TBC1D19: variants seen among roughly 807,000 people sequenced by gnomAD.
The protein encoded by TBC1D19 is TBC1 domain family member 19.
A neutral mutation model predicts 89.0 loss-of-function variants in TBC1D19; 60 were observed. That is an observed-to-expected ratio of 0.67 (90% CI 0.55 to 0.84). TBC1D19 has a LOEUF of 0.84. Ranked by LOEUF, TBC1D19 falls within the 40% of genes least tolerant of loss-of-function variation. TBC1D19 has a pLI of 0.00. For synonymous variants in TBC1D19, 189 were observed against 199.7 expected (o/e 0.95, Z 0.45); for missense variants, 500 against 610.8 (o/e 0.82, Z 1.91).
At chr4:26,688,687 A>T (rs1714026581) in intron 13 of TBC1D19, among the ~76,000 whole-genome samples, 1 of 152,146 alleles carries the variant, frequency 6.6e-6, no homozygotes, top group Non-Finnish European at 1.5e-5. Context: ...ATAGATGCTT[A>T]AATCAGATGT....
chr4:26,709,920 A>C (rs1040080893), intron 13 of TBC1D19, among the ~76,000 whole-genome samples: 71 of 152,112 alleles, frequency 4.7e-4, no homozygotes, highest in South Asian at 6.2e-4. Context: ...AGAGGCTTAG[A>C]TCCCAAGCCC....
the TBC1D19 span, among the ~76,000 whole-genome samples, chr4:26,803,313 A>G: frequency 6.6e-6 from 1 of 152,248 alleles, no homozygotes; most frequent in Non-Finnish European, 1.5e-5. Flanking sequence ...AAATGGAGAA[A>G]TGCAGGCTCC....
intron 11 of TBC1D19, among the ~76,000 whole-genome samples, chr4:26,677,903 C>A (rs1431838270): frequency 2.6e-5 from 4 of 152,208 alleles, no homozygotes; most frequent in South Asian, 2.1e-4. Context: ...GTCAATTAAA[C>A]CTCTTTCCTT....
Position 26,672,113 on chromosome 4 carries a change from C to G in TBC1D19, c.665-36C>G, listed in dbSNP as rs902382715. The G allele has an allele frequency of 3.3e-6, 3 of 898,344 alleles. No homozygotes were observed. In the East Asian group the frequency reaches 2.0e-4, roughly 60 times the overall value. The allele number at this position is 898,344 out of a possible 1,614,324, so 55.6% of individuals were successfully genotyped here. ...TGTTCTAAATGTGATTGCTCATACT[C>G]ATGTCTAATAATTTTAATTTTTTTT... On this transcript the variant is annotated intron_variant, in intron 9 of 20. Coordinates refer to ENST00000264866, the MANE Select transcript of TBC1D19 (RefSeq NM_018317.4).
intron 13 of TBC1D19, among the ~76,000 whole-genome samples, chr4:26,696,242 A>T (rs1326431092): frequency 2.0e-5 from 3 of 152,224 alleles, no homozygotes; most frequent in South Asian, 2.1e-4. Context: ...TAAACGAACA[A>T]AGATCAAAAG....
rs190938472 is a variant in TBC1D19 at position 26,640,892 on chromosome 4, C to T, written c.480+705C>T. On this transcript the variant is annotated intron_variant, in intron 7 of 20. Transcript: ENST00000264866. ...AGGCTTGAGTAGGTAAACAAAGTGGCGGGAAGCTCGAACTGGGTGGAGCCC... is the reference window on the plus strand; with the variant it reads ...AGGCTTGAGTAGGTAAACAAAGTGGTGGGAAGCTCGAACTGGGTGGAGCCC... 7.8e-3 allele frequency among the ~76,000 whole-genome samples: 1,184 copies of T among 152,288 alleles called. 14 individuals are homozygous for T. The highest frequency in any genetic ancestry group is 0.027 in the African/African-American group (1,121 of 41,554).
chr4:26,790,566 T>C, the TBC1D19 span, among the ~76,000 whole-genome samples: 80 of 152,244 alleles, frequency 5.3e-4, no homozygotes, highest in Middle Eastern at 0.01. Flanking sequence ...TAGATAGATA[T>C]TGAGAGAAAG....
At chr4:26,759,367 T>A (rs1473662136), downstream of TBC1D19, among the ~76,000 whole-genome samples, 1 of 152,206 alleles carries the variant, frequency 6.6e-6, no homozygotes. Context: ...CCTTTGGAAG[T>A]CCAAAAGGAA....
chr4:26,584,296 A>G lies in TBC1D19; in HGVS notation c.99+4A>G. On this transcript the variant is annotated splice_donor_region_variant and intron_variant, in intron 1 of 20. Transcript: ENST00000264866. Reference sequence around the variant, plus strand: ...TCAGCTGGAACGGCAGGCCTGGGTAAGTGAGGCCGAGTGGGAAGGGATGCA... The same window carrying G: ...TCAGCTGGAACGGCAGGCCTGGGTAGGTGAGGCCGAGTGGGAAGGGATGCA... 6.2e-7 allele frequency: 1 copy of G among 1,604,460 alleles called. No individual in the cohort carries two copies. The highest frequency in any genetic ancestry group is 8.5e-7 in the Non-Finnish European group (1 of 1,176,068).
intron 1 of TBC1D19, among the ~76,000 whole-genome samples, chr4:26,591,132 A>G: frequency 6.6e-6 from 1 of 151,426 alleles, no homozygotes; most frequent in Admixed American, 6.6e-5. Context: ...AGAATGTCAT[A>G]TAGTTGGAAT....
At chr4:26,650,973 A>G (rs1303279644) in intron 7 of TBC1D19, among the ~76,000 whole-genome samples, 2 of 152,172 alleles carry the variant, frequency 1.3e-5, no homozygotes, top group Non-Finnish European at 2.9e-5. Flanking sequence ...TAAATAGGGA[A>G]TCCTTTCCCC....
At chr4:26,836,903 C>T in the TBC1D19 span, among the ~76,000 whole-genome samples, 1 of 152,210 alleles carries the variant, frequency 6.6e-6, no homozygotes, top group African/African-American at 2.4e-5. Flanking sequence ...CTCTTCCAAA[C>T]CTCCCAGCAC....
the TBC1D19 span, among the ~76,000 whole-genome samples, chr4:26,794,191 A>G: frequency 6.6e-6 from 1 of 152,218 alleles, no homozygotes; most frequent in Non-Finnish European, 1.5e-5. Flanking sequence ...TAAAGAAAAA[A>G]ATTCTTATTT....
chr4:26,843,179 A>C, the TBC1D19 span, among the ~76,000 whole-genome samples: 1 of 152,344 alleles, frequency 6.6e-6, no homozygotes, highest in Middle Eastern at 3.4e-3. Context: ...GAAATTAATG[A>C]GTTGCAAAAT....
chr4:26,770,776 G>A, the TBC1D19 span, among the ~76,000 whole-genome samples: 1 of 152,086 alleles, frequency 6.6e-6, no homozygotes, highest in Non-Finnish European at 1.5e-5. Context: ...TATGTGCTGT[G>A]ATTGCAATGA....
intron 16 of TBC1D19, among the ~76,000 whole-genome samples, chr4:26,735,845 G>C (rs894859419): frequency 6.6e-6 from 1 of 151,870 alleles, no homozygotes; most frequent in Non-Finnish European, 1.5e-5. Context: ...ACCACAATGA[G>C]ATACCATCTC....
At chr4:26,600,393 C>G (rs1740513041) in intron 1 of TBC1D19, among the ~76,000 whole-genome samples, 1 of 152,106 alleles carries the variant, frequency 6.6e-6, no homozygotes, top group Non-Finnish European at 1.5e-5. Flanking sequence ...GTTCCTGTCT[C>G]CATAGAAAAT....
intron 1 of TBC1D19, among the ~76,000 whole-genome samples, chr4:26,593,035 A>G (rs1739928445): frequency 6.6e-6 from 1 of 152,226 alleles, no homozygotes; most frequent in African/African-American, 2.4e-5. Flanking sequence ...TGCCAAGTCA[A>G]TCCTAAGCCA....
chr4:26,745,281 T>C (rs910859125), intron 18 of TBC1D19, among the ~76,000 whole-genome samples: 1 of 151,900 alleles, frequency 6.6e-6, no homozygotes, highest in African/African-American at 2.4e-5. Context: ...ATCGGTGTGT[T>C]TATACCATTT....
Sources: allele counts gnomAD v4.1 joint callset (sites outside exome capture counted in the v4.1 genomes callset), GRCh38; gene constraint gnomAD v4.1.1; transcripts MANE v1.5; gene names NCBI Gene and HGNC (gene_info 2026-07-23, HGNC 2026-07-21).